The following GPC5 variants were observed in gnomAD, a reference collection of about 807,000 sequenced individuals.
The protein encoded by GPC5 is glypican-5.
Under a neutral mutation model 53.9 loss-of-function variants are expected in GPC5, and 47 were observed. The ratio of observed to expected loss-of-function variants is 0.87; its 90% CI spans 0.69 to 1.11. The LOEUF is 1.11. Ranked by LOEUF, GPC5 falls within the 50% of genes most tolerant of loss-of-function variation. The probability of loss-of-function intolerance (pLI) is 0.00; values close to 1 mark genes in which losing one functional copy is unlikely to be tolerated. For missense variants in GPC5, 748 were observed against 713.1 expected (o/e 1.05, Z -0.56); for synonymous variants, 286 against 263.3 (o/e 1.09, Z -0.84).
At chr13:92,008,244 A>G (rs2040627302) in intron 6 of GPC5, among the ~76,000 whole-genome samples, 1 of 151,822 alleles carries the variant, frequency 6.6e-6, no homozygotes, top group Non-Finnish European at 1.5e-5. Context: ...TTGTATTTTT[A>G]GTAGAGACGG....
Position 91,704,106 on chromosome 13 carries a change from A to G in GPC5, c.1020+10225A>G, listed in dbSNP as rs147054971. On this transcript the variant is annotated intron_variant, in intron 3 of 7. Coordinates refer to ENST00000377067, the MANE Select transcript of GPC5 (RefSeq NM_004466.6). ...GTATTGAAGTCCTCTACTCTTTGCA[A>G]TACTATTGTATTGCAGTCCATTTCT... is the stretch of plus-strand genomic sequence containing the variant. Among the ~76,000 whole-genome samples the G allele has an allele frequency of 1.2e-3, 180 of 152,174 alleles. 2 individuals carry two copies. The highest frequency in any genetic ancestry group is 4.1e-3 in the African/African-American group (170 of 41,522).
Position 91,917,650 on chromosome 13 carries a change from A to G in GPC5, c.1401+9593A>G, listed in dbSNP as rs574240381. Among the ~76,000 whole-genome samples, 164 of 152,220 alleles carry G rather than the reference A, an allele frequency of 1.1e-3. 1 individual carries two copies. The highest frequency in any genetic ancestry group is 3.9e-3 in the African/African-American group (162 of 41,540). ...TTTATTCTGCCCAATACCCTAAATCATCTCTCTCAAGTTCAATGTTCCACA... is the reference window on the plus strand; with the variant it reads ...TTTATTCTGCCCAATACCCTAAATCGTCTCTCTCAAGTTCAATGTTCCACA... On this transcript the variant is annotated intron_variant, in intron 6 of 7. Transcript: ENST00000377067.
intron 6 of GPC5, among the ~76,000 whole-genome samples, chr13:91,928,709 C>T (rs2039793085): frequency 6.6e-6 from 1 of 152,136 alleles, no homozygotes; most frequent in South Asian, 2.1e-4. Flanking sequence ...GCCCCTACAA[C>T]TCTGGACTTT....
intron 7 of GPC5, among the ~76,000 whole-genome samples, chr13:92,476,413 T>C (rs1294029016): frequency 2.7e-5 from 4 of 150,706 alleles, no homozygotes; most frequent in Non-Finnish European, 4.5e-5. Flanking sequence ...GGAGAGGATG[T>C]GGAGAAATAG....
chr13:91,756,468 T>C (rs781056098), intron 5 of GPC5, 48 bp downstream of exon 5: 2 of 1,481,124 alleles, frequency 1.4e-6, no homozygotes, highest in Non-Finnish European at 1.8e-6. Flanking sequence ...CATCCTTGCT[T>C]TCTTTTTCTG....
At chr13:92,638,006 T>TA (rs570046772) in intron 7 of GPC5, among the ~76,000 whole-genome samples, 14 of 152,118 alleles carry the variant, frequency 9.2e-5, no homozygotes, top group East Asian at 3.9e-4. Context: ...TCAATTGTAG[T>TA]AAAAAAACAG....
At chr13:92,099,610 C>T (rs2041449802) in intron 6 of GPC5, among the ~76,000 whole-genome samples, 1 of 152,114 alleles carries the variant, frequency 6.6e-6, no homozygotes, top group South Asian at 2.1e-4. Context: ...CCATGATTAT[C>T]TATTTGTAGG....
rs1885375291 is a variant in GPC5 at position 92,635,238 on chromosome 13, C to T, written c.1562-231044C>T. Among the ~76,000 whole-genome samples, 3 of 152,046 alleles carry T rather than the reference C, an allele frequency of 2.0e-5. No homozygotes were observed. The South Asian group carries it at 6.2e-4, about 32-fold the overall frequency. On this transcript the variant is annotated intron_variant, in intron 7 of 7. Coordinates refer to ENST00000377067, the MANE Select transcript of GPC5 (RefSeq NM_004466.6). ...ACACGTTCTTTTGATATTTCGTAAA[C>T]AGAGTATATAAGTTTATCTTGGTTC... is the stretch of plus-strand genomic sequence containing the variant.
At chr13:91,755,294 G>T (rs1315063296) in intron 4 of GPC5, among the ~76,000 whole-genome samples, 1 of 152,062 alleles carries the variant, frequency 6.6e-6, no homozygotes, top group Non-Finnish European at 1.5e-5. Flanking sequence ...TAGTCTTAAT[G>T]AGGGTGACAT....
chr13:91,484,911 T>C (rs978993223), intron 2 of GPC5, among the ~76,000 whole-genome samples: 6 of 152,246 alleles, frequency 3.9e-5, no homozygotes, highest in African/African-American at 1.4e-4. Context: ...CAGAAACTCT[T>C]TTGAGAAAGT....
At position 91,864,206 on chromosome 13, in the gene GPC5, G is replaced by C. The variant is rs140823436; in HGVS notation, c.1281-43731G>C. Among the ~76,000 whole-genome samples, 831 of 152,310 alleles carry C rather than the reference G, an allele frequency of 5.5e-3. 4 individuals carry two copies. The highest frequency in any genetic ancestry group is 0.014 in the Middle Eastern group (4 of 294). Reference sequence around the variant, plus strand: ...GGGAAAGGTTGAGCTTAAGTAATTTGATGGGCAAACTCAATGCTTGAATGT... The same window carrying C: ...GGGAAAGGTTGAGCTTAAGTAATTTCATGGGCAAACTCAATGCTTGAATGT... On this transcript the variant is annotated intron_variant, in intron 5 of 7. Coordinates refer to ENST00000377067, the MANE Select transcript of GPC5 (RefSeq NM_004466.6).
intron 2 of GPC5, among the ~76,000 whole-genome samples, chr13:91,683,922 C>T (rs2035564528): frequency 2.0e-5 from 3 of 152,160 alleles, no homozygotes; most frequent in African/African-American, 7.2e-5. Context: ...CATAACGTTG[C>T]CTTAATTCTT....
intron 7 of GPC5, among the ~76,000 whole-genome samples, chr13:92,554,708 T>C (rs182481599): frequency 6.6e-6 from 1 of 150,984 alleles, no homozygotes; most frequent in Non-Finnish European, 1.5e-5. Flanking sequence ...ATAAACAAAA[T>C]ATATGAAACA....
intron 5 of GPC5, among the ~76,000 whole-genome samples, chr13:91,818,191 T>G (rs2038430581): frequency 6.6e-6 from 1 of 152,192 alleles, no homozygotes; most frequent in East Asian, 1.9e-4. Flanking sequence ...CGAAAATATT[T>G]GAAAAGAAGC....
intron 2 of GPC5, among the ~76,000 whole-genome samples, chr13:91,597,281 T>C (rs1010888019): frequency 2.0e-5 from 3 of 152,190 alleles, no homozygotes; most frequent in Non-Finnish European, 4.4e-5. Flanking sequence ...TCAAAATCCT[T>C]TTCAGTTTTC....
intron 2 of GPC5, among the ~76,000 whole-genome samples, chr13:91,668,179 T>G (rs2035161598): frequency 6.6e-6 from 1 of 152,250 alleles, no homozygotes; most frequent in African/African-American, 2.4e-5. Context: ...ATCCAGATTC[T>G]GCCACCTTTG....
chr13:92,386,824 T>C (rs1341008808), intron 7 of GPC5, among the ~76,000 whole-genome samples: 1 of 152,120 alleles, frequency 6.6e-6, no homozygotes, highest in Non-Finnish European at 1.5e-5. Flanking sequence ...AAAAACTTAC[T>C]ATATTTTAAA....
intron 7 of GPC5, among the ~76,000 whole-genome samples, chr13:92,259,471 C>G (rs181367869): frequency 8.3e-4 from 127 of 152,270 alleles, no homozygotes; most frequent in Non-Finnish European, 1.4e-3. Flanking sequence ...GGTCCTATTT[C>G]CTACTCACTC....
At chr13:91,787,485 A>G (rs115194641) in intron 5 of GPC5, among the ~76,000 whole-genome samples, 56 of 152,266 alleles carry the variant, frequency 3.7e-4, no homozygotes, top group African/African-American at 1.3e-3. Flanking sequence ...TTATGAATAA[A>G]CCAACTTTGC....
Sources: allele counts gnomAD v4.1 joint callset (sites outside exome capture counted in the v4.1 genomes callset), GRCh38; gene constraint gnomAD v4.1.1; transcripts MANE v1.5; gene names NCBI Gene and HGNC (gene_info 2026-07-23, HGNC 2026-07-21).